THSD4: variants seen among roughly 807,000 people sequenced by gnomAD.
THSD4 encodes thrombospondin type-1 domain-containing protein 4.
THSD4 carries 69 observed loss-of-function variants against 119.0 expected under a neutral mutation model. The observed-to-expected ratio is 0.58, with a 90% confidence interval of 0.48 to 0.71. The LOEUF (loss-of-function observed/expected upper bound fraction) is 0.71. THSD4 is among the 30% of genes least tolerant of loss of function. The pLI is 0.00. For missense variants in THSD4, 1,393 were observed against 1,391.1 expected, an observed-to-expected ratio of 1.00 and a Z score of -0.02; for synonymous variants, 524 against 540.4, an observed-to-expected ratio of 0.97 and a Z score of 0.42.
chr15:71,414,054 A>G (rs1480389529), intron 7 of THSD4, among the ~76,000 whole-genome samples: 2 of 152,202 alleles, frequency 1.3e-5, no homozygotes, highest in African/African-American at 4.8e-5. Flanking sequence ...ATGGTTACAA[A>G]CCTGCCCTCC....
intron 7 of THSD4, among the ~76,000 whole-genome samples, chr15:71,509,993 T>C (rs905374805): frequency 9.9e-5 from 15 of 152,214 alleles, no homozygotes; most frequent in African/African-American, 3.4e-4. Flanking sequence ...ACAGTAGGAA[T>C]CATTCTAATA....
At chr15:71,141,407 C>G in intron 1 of THSD4, 42 bp from the exon 2 acceptor site, 2 of 1,079,552 alleles carry the variant, frequency 1.9e-6, no homozygotes, top group Non-Finnish European at 2.6e-6. Context: ...TAGAATCTTC[C>G]TAAGTAAATG....
chr15:71,254,446 C>T (rs370271982), intron 5 of THSD4, among the ~76,000 whole-genome samples: 61 of 152,300 alleles, frequency 4.0e-4, no homozygotes, highest in African/African-American at 9.6e-4. Flanking sequence ...GGCCCTTCAT[C>T]GCTGCTGCAC....
intron 6 of THSD4, among the ~76,000 whole-genome samples, chr15:71,318,166 C>G (rs1366289377): frequency 6.6e-6 from 1 of 152,008 alleles, no homozygotes; most frequent in Non-Finnish European, 1.5e-5. Flanking sequence ...AAGAACAGTC[C>G]CACTTCCTTC....
chr15:71,111,918 T>G, upstream of THSD4: 1 of 566,548 alleles, frequency 1.8e-6, no homozygotes, highest in Non-Finnish European at 3.1e-6. Context: ...CCACGTCAAA[T>G]ACATTTGGGA....
chr15:71,330,390 G>T (rs1051679126), intron 6 of THSD4, among the ~76,000 whole-genome samples: 4 of 152,168 alleles, frequency 2.6e-5, no homozygotes, highest in Admixed American at 2.6e-4. Flanking sequence ...GCACACGGTA[G>T]GTATTCAACA....
intron 7 of THSD4, among the ~76,000 whole-genome samples, chr15:71,645,345 C>T (rs973945845): frequency 1.3e-5 from 2 of 152,068 alleles, no homozygotes; most frequent in African/African-American, 4.8e-5. Context: ...CACATGATGG[C>T]AGGAAGGAGA....
intron 7 of THSD4, among the ~76,000 whole-genome samples, chr15:71,445,295 C>G (rs977100078): frequency 3.9e-5 from 6 of 152,162 alleles, no homozygotes; most frequent in African/African-American, 1.4e-4. Flanking sequence ...ATCTACCTCC[C>G]CACAGATGCA....
Position 71,781,060 on chromosome 15 carries a change from A to G in THSD4, c.*3686A>G, listed in dbSNP as rs2053991001. On this transcript the variant is annotated 3_prime_UTR_variant, in exon 18 of 18. Transcript: ENST00000261862. Reference sequence around the variant, plus strand: ...CATGACTTCCCTTAAAACAGGCTGGATAATCTATATCAGCCTTGTGGGTGG... The same window carrying G: ...CATGACTTCCCTTAAAACAGGCTGGGTAATCTATATCAGCCTTGTGGGTGG... 2 of 314,946 alleles carry G rather than the reference A, an allele frequency of 6.4e-6. No individual in the cohort carries two copies. The highest frequency in any genetic ancestry group is 5.6e-5 in the South Asian group (2 of 35,806). The allele number at this position is 314,946 out of a possible 1,614,324, so 19.5% of individuals were successfully genotyped here.
intron 11 of THSD4, among the ~76,000 whole-genome samples, chr15:71,743,624 A>G (rs766522500): frequency 6.6e-6 from 1 of 152,218 alleles, no homozygotes; most frequent in Non-Finnish European, 1.5e-5. Context: ...TCAGCCAATA[A>G]TTGTGCTTAA....
At chr15:71,288,671 A>C (rs1394256015) in intron 6 of THSD4, among the ~76,000 whole-genome samples, 2 of 152,232 alleles carry the variant, frequency 1.3e-5, no homozygotes, top group African/African-American at 4.8e-5. Flanking sequence ...TGATTACAGA[A>C]TAAAAAGATC....
chr15:71,612,538 G>A (rs886186330), intron 7 of THSD4, among the ~76,000 whole-genome samples: 1 of 152,176 alleles, frequency 6.6e-6, no homozygotes, highest in African/African-American at 2.4e-5. Flanking sequence ...GCTGTTTTCT[G>A]GGCTGACACC....
At chr15:71,287,757 A>G (rs1472157280) in intron 6 of THSD4, among the ~76,000 whole-genome samples, 1 of 152,218 alleles carries the variant, frequency 6.6e-6, no homozygotes, top group Non-Finnish European at 1.5e-5. Context: ...ATGTACTTGC[A>G]TATTTCAGAT....
chr15:71,564,748 A>ATT (rs1399133496), intron 7 of THSD4, among the ~76,000 whole-genome samples: 5 of 9,768 alleles, frequency 5.1e-4, no homozygotes, highest in Admixed American at 1.2e-3. Flanking sequence ...TACAATATAT[A>ATT]GTATAACATA....
intron 6 of THSD4, among the ~76,000 whole-genome samples, chr15:71,380,873 T>C (rs1268786181): frequency 1.3e-5 from 2 of 152,212 alleles, no homozygotes; most frequent in African/African-American, 4.8e-5. Context: ...AAGCATATTA[T>C]ATTATGCATT....
Position 71,256,711 on chromosome 15 carries a change from A to C in THSD4, c.1011A>C (p.Ala337=). ...MGRFYEWEPF[A]EVKGNRKCEL... is the part of the protein sequence containing the mutation. ...GGTTTTATGAGTGGGAACCATTTGC[A>C]GAAGGTAAGAATAGACCCAGCCCTG... The change falls in exon 6 of 18, where the codon GCA becomes GCC. Residue 337 remains alanine (A), a synonymous_variant. Transcript: ENST00000261862. 6.2e-7 allele frequency: 1 copy of C among 1,613,676 alleles called. No homozygotes were observed. Among genetic ancestry groups the C allele is most frequent in the Non-Finnish European group, 8.5e-7 (1 of 1,179,724 alleles).
In THSD4 at chr15:71,472,120, T is replaced by C. The variant is rs150404193; in HGVS notation, c.1152+60297T>C. Among the ~76,000 whole-genome samples, 936 of 152,256 alleles carry C rather than the reference T, an allele frequency of 6.1e-3. 18 individuals carry two copies. The highest frequency in any genetic ancestry group is 0.059 in the South Asian group (286 of 4,812). On this transcript the variant is annotated intron_variant, in intron 7 of 17. Transcript: ENST00000261862. ...TTTGTAGAGACAGGGCCTCCCTATG[T>C]TTCCCAGGCTGGTCTCAAACTCCTG...
At chr15:71,659,523 C>A (rs1271527996) in intron 7 of THSD4, among the ~76,000 whole-genome samples, 1 of 152,120 alleles carries the variant, frequency 6.6e-6, no homozygotes, top group African/African-American at 2.4e-5. Context: ...GTGATCCTCC[C>A]ACCTTAGCCT....
intron 6 of THSD4, among the ~76,000 whole-genome samples, chr15:71,340,023 C>T (rs1319290705): frequency 6.6e-6 from 1 of 152,180 alleles, no homozygotes; most frequent in African/African-American, 2.4e-5. Flanking sequence ...CCTTGCCCTC[C>T]CAAAGAGTTG....
Sources: allele counts gnomAD v4.1 joint callset (sites outside exome capture counted in the v4.1 genomes callset), GRCh38; gene constraint gnomAD v4.1.1; transcripts MANE v1.5; gene names NCBI Gene and HGNC (gene_info 2026-07-23, HGNC 2026-07-21).